The following SIRPG variants were observed in gnomAD, a reference collection of about 807,000 sequenced individuals.
The protein encoded by SIRPG is signal regulatory protein gamma.
Under a neutral mutation model 35.7 loss-of-function variants are expected in SIRPG, and 38 were observed. The observed-to-expected ratio is 1.06, with a 90% CI of 0.82 to 1.40. SIRPG has a LOEUF of 1.40. SIRPG is among the 40% of genes most tolerant of loss of function. The probability of loss-of-function intolerance (pLI) is 0.00; values close to 1 mark genes in which losing one functional copy is unlikely to be tolerated. For synonymous variants in SIRPG, 215 were observed against 190.4 expected (o/e 1.13, Z -1.06); for missense variants, 519 against 483.0 (o/e 1.07, Z -0.70).
the SIRPG span, among the ~76,000 whole-genome samples, chr20:1,678,453 G>C: frequency 6.6e-6 from 1 of 151,924 alleles, no homozygotes; most frequent in African/African-American, 2.4e-5. Flanking sequence ...GTTCATTAAA[G>C]AGGTTCTCTA....
chr20:1,654,446 G>T (rs954093174), intron 1 of SIRPG, among the ~76,000 whole-genome samples: 1 of 152,128 alleles, frequency 6.6e-6, no homozygotes, highest in African/African-American at 2.4e-5. Context: ...AATGGTGAAA[G>T]GTCTGTCTCT....
At chr20:1,638,646 A>G (rs1227840106) in intron 2 of SIRPG, among the ~76,000 whole-genome samples, 2 of 152,190 alleles carry the variant, frequency 1.3e-5, no homozygotes, top group Non-Finnish European at 2.9e-5. Flanking sequence ...ATACAAGTGC[A>G]GAATATGCAG....
At chr20:1,644,484 G>T (rs1334315640) in intron 2 of SIRPG, among the ~76,000 whole-genome samples, 1 of 152,238 alleles carries the variant, frequency 6.6e-6, no homozygotes, top group African/African-American at 2.4e-5. Context: ...TGGGAACTTA[G>T]TGTGTTAGGC....
At chr20:1,634,356 G>C (rs184247285) in intron 4 of SIRPG, among the ~76,000 whole-genome samples, 1 of 151,754 alleles carries the variant, frequency 6.6e-6, no homozygotes, top group Admixed American at 6.6e-5. Flanking sequence ...ACAGGCGCCC[G>C]CCACCACGCC....
chr20:1,631,653 T>A (rs1242563891), intron 4 of SIRPG, among the ~76,000 whole-genome samples: 1 of 152,080 alleles, frequency 6.6e-6, no homozygotes, highest in South Asian at 2.1e-4. Flanking sequence ...AAATATAAAT[T>A]TGAAGCCTGA....
chr20:1,635,722 G>C, intron 3 of SIRPG, 123 bp from the exon 4 acceptor site: 1 of 1,039,934 alleles, frequency 9.6e-7, no homozygotes, highest in Non-Finnish European at 1.4e-6. Context: ...GCAGGCAGCA[G>C]ATGCTAAGAC....
At chr20:1,630,970 T>A (rs2091744958) in intron 4 of SIRPG, 1 of 152,166 alleles carries the variant, frequency 6.6e-6, no homozygotes, top group Non-Finnish European at 1.5e-5. Context: ...GAAATGGGTC[T>A]CATGCTTGGG....
chr20:1,662,485 T>C (rs1311626774), upstream of SIRPG, among the ~76,000 whole-genome samples: 5 of 152,226 alleles, frequency 3.3e-5, no homozygotes, highest in Admixed American at 1.3e-4. Flanking sequence ...TTCCATATAG[T>C]AAATATGCAA....
At chr20:1,631,055 C>T (rs2091745832) in intron 4 of SIRPG, among the ~76,000 whole-genome samples, 1 of 152,178 alleles carries the variant, frequency 6.6e-6, no homozygotes, top group Non-Finnish European at 1.5e-5. Flanking sequence ...TAGTTGGGCA[C>T]ACTCAGTTAC....
At chr20:1,672,947 G>C in the SIRPG span, among the ~76,000 whole-genome samples, 1 of 152,170 alleles carries the variant, frequency 6.6e-6, no homozygotes, top group Non-Finnish European at 1.5e-5. Flanking sequence ...CATCTAAGCA[G>C]GCAGGCACTC....
chr20:1,668,199 TTTTCTTTCTTTCTTTCTTTCTTTC>T, the SIRPG span, among the ~76,000 whole-genome samples: 2 of 67,392 alleles, frequency 3.0e-5, no homozygotes, highest in African/African-American at 9.7e-5. Context: ...TTTTCTTTTC[TTTTCTTTCTTTCTTTCTTTCTTTC>T]TTTCTTTCTT....
the SIRPG span, among the ~76,000 whole-genome samples, chr20:1,672,181 G>T: frequency 6.6e-6 from 1 of 152,174 alleles, no homozygotes; most frequent in Admixed American, 6.5e-5. Context: ...TTCCCGGGAT[G>T]CAGTGAGGAT....
chr20:1,644,658 G>A (rs764035517), intron 2 of SIRPG, among the ~76,000 whole-genome samples: 23 of 152,190 alleles, frequency 1.5e-4, no homozygotes, highest in African/African-American at 4.6e-4. Context: ...GCAGCTCTGC[G>A]GTTGATTGAG....
At chr20:1,666,020 G>T in the SIRPG span, among the ~76,000 whole-genome samples, 3 of 152,024 alleles carry the variant, frequency 2.0e-5, no homozygotes, top group Non-Finnish European at 4.4e-5. Flanking sequence ...CTTCCAGTGG[G>T]ACAAGATGCG....
intron 1 of SIRPG, 99 bp downstream of exon 1, chr20:1,657,542 CT>C: frequency 8.5e-7 from 1 of 1,173,782 alleles, no homozygotes; most frequent in Non-Finnish European, 1.3e-6. Flanking sequence ...CTTGACCTTC[CT>C]TGGCAGTGCT....
chr20:1,636,251 C>A lies in SIRPG; in HGVS notation c.685G>T (p.Ala229Ser), dbSNP rs760563124. 6 of 1,614,194 alleles carry A rather than the reference C, an allele frequency of 3.7e-6. No individual in the cohort carries two copies. The highest frequency in any genetic ancestry group is 3.4e-6 in the Non-Finnish European group (4 of 1,180,034). The stretch of plus-strand genomic sequence containing the variant: ...GGGTCCCCCTGCAAGGTGACATGGG[C>A]CACCTCGCAGATGACCTGAGAGCGA... ...DVRSQVICEV[A>S]HVTLQGDPLR... The change falls in exon 3 of 6, where the codon GCC becomes TCC. Residue 229 changes from alanine (A) to serine (S), a missense_variant. Ala to Ser is a moderately conservative substitution (Grantham distance 99). Transcript: ENST00000303415.
At chr20:1,681,578 T>A in the SIRPG span, among the ~76,000 whole-genome samples, 3 of 152,312 alleles carry the variant, frequency 2.0e-5, no homozygotes, top group East Asian at 5.8e-4. Flanking sequence ...AAGCCTGTAA[T>A]CCCAGTACTT....
upstream of SIRPG, among the ~76,000 whole-genome samples, chr20:1,662,334 C>T (rs371345948): frequency 2.0e-5 from 3 of 152,298 alleles, no homozygotes; most frequent in East Asian, 3.9e-4. Context: ...GTCTCCCACA[C>T]TTTTGTGAGT....
At chr20:1,631,459 G>A (rs1472506961) in intron 4 of SIRPG, among the ~76,000 whole-genome samples, 2 of 152,338 alleles carry the variant, frequency 1.3e-5, no homozygotes, top group Admixed American at 6.5e-5. Context: ...CGCAGGAGCA[G>A]CTGGGTCTTT....
Sources: gnomAD v4.1 joint callset for allele counts (sites outside exome capture counted in the v4.1 genomes callset) on GRCh38, gnomAD v4.1.1 for gene constraint, MANE v1.5 for transcripts, NCBI Gene and HGNC (gene_info 2026-07-23, HGNC 2026-07-21) for gene names.